MYLK: variants seen among roughly 807,000 people sequenced by gnomAD.
MYLK encodes the protein myosin light chain kinase, smooth muscle.
In MYLK, 106 loss-of-function variants were observed where a neutral mutation model predicts 203.4. That is an observed-to-expected ratio of 0.52 (90% CI 0.45 to 0.61). The LOEUF is 0.61. Among genes scored for constraint, MYLK ranks in the 20% least tolerant of loss-of-function variants. The pLI is 0.00. For synonymous variants in MYLK, 867 were observed against 959.5 expected (o/e 0.90, Z 1.78); for missense variants, 2,072 against 2,442.3 (o/e 0.85, Z 3.20).
Position 123,640,057 on chromosome 3 carries a change from C to T in MYLK, c.4837+230G>A. Among the ~76,000 whole-genome samples, 1 of 152,084 alleles carries T rather than the reference C, an allele frequency of 6.6e-6. No homozygotes were observed. Among genetic ancestry groups the T allele is most frequent in the Non-Finnish European group, 1.5e-5 (1 of 68,028 alleles). On this transcript the variant is annotated intron_variant, in intron 28 of 33. Coordinates refer to ENST00000360304, the MANE Select transcript of MYLK (RefSeq NM_053025.4). The surrounding 1 kb of genome is among the most constrained non-coding windows in gnomAD (Gnocchi z 4.3). ...CTTTACCTATATTAACACATTTGAT[C>T]CTCCTAACAAATCTGTGAGTTAGGT...
chr3:123,829,450 A>G (rs976925601), intron 3 of MYLK, among the ~76,000 whole-genome samples: 1 of 152,154 alleles, frequency 6.6e-6, no homozygotes, highest in Non-Finnish European at 1.5e-5. Context: ...GAAGGGTAGG[A>G]AGAAGGGTGG....
rs777977736 is a variant in MYLK, at chr3:123,708,695, C to T, written c.2140+3G>A. 9 of 1,613,942 alleles carry T rather than the reference C, an allele frequency of 5.6e-6. No homozygotes were observed. In the South Asian group the frequency reaches 8.8e-5, roughly 16 times the overall value. ...CCACTCGCTCTGAGTGGGTCAGCCT[C>T]ACCTTGTACCGTGAGCACGGCCTGG... is the stretch of plus-strand genomic sequence containing the variant. On this transcript the variant is annotated splice_donor_region_variant and intron_variant, in intron 15 of 33. Coordinates refer to ENST00000360304, the MANE Select transcript of MYLK (RefSeq NM_053025.4).
At chr3:123,660,224 A>G (rs1229975952) in intron 23 of MYLK, among the ~76,000 whole-genome samples, 1 of 152,236 alleles carries the variant, frequency 6.6e-6, no homozygotes, top group African/African-American at 2.4e-5. Context: ...CCCTCGCTCC[A>G]GGGCTCAAGA....
chr3:123,854,679 T>C (rs1385543402), intron 2 of MYLK, among the ~76,000 whole-genome samples: 6 of 152,174 alleles, frequency 3.9e-5, no homozygotes, highest in East Asian at 1.9e-4. Context: ...ATGGGATCAA[T>C]AGAAGCCCAA....
At chr3:123,872,535 G>A (rs897604934) in intron 2 of MYLK, among the ~76,000 whole-genome samples, 1 of 152,138 alleles carries the variant, frequency 6.6e-6, no homozygotes, top group Non-Finnish European at 1.5e-5. Context: ...ATAAGTTAGG[G>A]ATTCCCATGA....
At chr3:123,666,502 C>T (rs571880472) in intron 21 of MYLK, among the ~76,000 whole-genome samples, 156 bp from the exon 22 acceptor site, 73 of 152,316 alleles carry the variant, frequency 4.8e-4, no homozygotes, top group Non-Finnish European at 8.1e-4. Flanking sequence ...TGCAGGACAT[C>T]CAAGTTCATG....
At chr3:123,666,514 A>C (rs2059740469) in intron 21 of MYLK, among the ~76,000 whole-genome samples, 168 bp from the exon 22 acceptor site, 1 of 152,150 alleles carries the variant, frequency 6.6e-6, no homozygotes, top group Non-Finnish European at 1.5e-5. Flanking sequence ...AAGTTCATGG[A>C]CCTGCTAGGT....
intron 5 of MYLK, among the ~76,000 whole-genome samples, chr3:123,742,505 T>C (rs576098446): frequency 6.6e-6 from 1 of 152,014 alleles, no homozygotes; most frequent in East Asian, 1.9e-4. Flanking sequence ...AAATAAAACA[T>C]GAAAAACATA....
At chr3:123,838,247 G>C (rs1472146707) in intron 2 of MYLK, among the ~76,000 whole-genome samples, 3 of 151,974 alleles carry the variant, frequency 2.0e-5, no homozygotes, top group African/African-American at 7.3e-5. Context: ...AACAACAAAG[G>C]AAATCTTAAA....
chr3:123,667,084 A>C, intron 21 of MYLK, 53 bp downstream of exon 21: 1 of 1,571,532 alleles, frequency 6.4e-7, no homozygotes, highest in Non-Finnish European at 8.8e-7. Flanking sequence ...GTAAAGGCAA[A>C]ACCCCCATGG....
rs1429721017 is a variant in MYLK, at chr3:123,646,509, CTGTA to C, written c.4619+711_4619+714del. Reference sequence around the variant, plus strand: ...TGCTGATGCCAGTGTGCATGCTTGACTGTATGTGTGTGTGTGTGCATGTGTGTGT... The same window carrying C: ...TGCTGATGCCAGTGTGCATGCTTGACTGTGTGTGTGTGTGCATGTGTGTGT... On this transcript the variant is annotated intron_variant, in intron 27 of 33. Transcript: ENST00000360304. Among the ~76,000 whole-genome samples the C allele has an allele frequency of 1.4e-4, 21 of 152,056 alleles. No individual in the cohort carries two copies. The East Asian group carries it at 3.1e-3, about 22-fold the overall frequency.
At chr3:123,654,212 C>T (rs756300530) in intron 24 of MYLK, among the ~76,000 whole-genome samples, 7 of 152,152 alleles carry the variant, frequency 4.6e-5, no homozygotes, top group Non-Finnish European at 8.8e-5. Flanking sequence ...GTAAAGGCCG[C>T]CTGACACACA....
chr3:123,828,298 C>A (rs1174896526), intron 3 of MYLK, among the ~76,000 whole-genome samples: 1 of 152,002 alleles, frequency 6.6e-6, no homozygotes, highest in African/African-American at 2.4e-5. Context: ...AGAAATTAAT[C>A]CACATAGGTA....
intron 2 of MYLK, among the ~76,000 whole-genome samples, chr3:123,864,364 A>G (rs1227316736): frequency 6.6e-6 from 1 of 152,222 alleles, no homozygotes; most frequent in African/African-American, 2.4e-5. Context: ...AAGAAAAAAT[A>G]ACGTAAACAA....
intron 3 of MYLK, among the ~76,000 whole-genome samples, chr3:123,829,215 G>T (rs557513508): frequency 6.8e-4 from 104 of 152,130 alleles, no homozygotes; most frequent in Middle Eastern, 3.4e-3. Context: ...AAGATGAATG[G>T]ATAAATAAAA....
Position 123,682,746 on chromosome 3 carries a change from A to G in MYLK, c.3566-436T>C, listed in dbSNP as rs531738558. On this transcript the variant is annotated intron_variant, in intron 19 of 33. Coordinates refer to ENST00000360304, the MANE Select transcript of MYLK (RefSeq NM_053025.4). ...GTCCCCGCCCTTGGGATCATGGACT[A>G]GAGGTGGCGCACAGCTTCTGATTTC... Among the ~76,000 whole-genome samples the G allele has an allele frequency of 3.3e-5, 5 of 152,302 alleles. No homozygotes were observed. In the South Asian group the frequency reaches 1.0e-3, roughly 32 times the overall value.
intron 4 of MYLK, among the ~76,000 whole-genome samples, chr3:123,791,566 A>C (rs909138442): frequency 2.6e-5 from 4 of 152,204 alleles, no homozygotes; most frequent in Non-Finnish European, 5.9e-5. Flanking sequence ...GTCTCTCTGG[A>C]ATAGTCTTTC....
chr3:123,618,363 G>A (rs1039194405), intron 33 of MYLK: 2 of 443,098 alleles, frequency 4.5e-6, no homozygotes, highest in Non-Finnish European at 8.4e-6. Context: ...TCCATGCAAG[G>A]CCATTTCTAA....
chr3:123,657,930 C>T (rs1370243636), intron 23 of MYLK, among the ~76,000 whole-genome samples: 3 of 152,214 alleles, frequency 2.0e-5, no homozygotes, highest in Non-Finnish European at 4.4e-5. Context: ...GGTGGTATAG[C>T]ACAGTGTTTG....
Sources: allele counts gnomAD v4.1 joint callset (sites outside exome capture counted in the v4.1 genomes callset), GRCh38; gene constraint gnomAD v4.1.1; non-coding constraint Gnocchi (gnomAD v3.1); transcripts MANE v1.5; gene names NCBI Gene and HGNC (gene_info 2026-07-23, HGNC 2026-07-21).